The following MMEL1 variants were observed in gnomAD, a reference collection of about 807,000 sequenced individuals.
The protein encoded by MMEL1 is membrane metallo-endopeptidase-like 1.
In MMEL1, 98 loss-of-function variants were observed where a neutral mutation model predicts 117.1. That is an observed-to-expected ratio of 0.84 (90% CI 0.71 to 0.99). The LOEUF is 0.99. Among genes scored for constraint, MMEL1 ranks in the 50% least tolerant of loss-of-function variants. MMEL1 has a pLI of 0.00. For synonymous variants in MMEL1, 390 were observed against 415.1 expected, an observed-to-expected ratio of 0.94 and a Z score of 0.74; for missense variants, 1,014 against 1,049.1, an observed-to-expected ratio of 0.97 and a Z score of 0.46.
At chr1:2,609,574 G>T in intron 5 of MMEL1, 96 bp downstream of exon 5, 1 of 1,540,348 alleles carries the variant, frequency 6.5e-7, no homozygotes, top group Non-Finnish European at 8.8e-7. Context: ...CAAGGAGGAA[G>T]CACAAACAGG....
intron 1 of MMEL1, among the ~76,000 whole-genome samples, chr1:2,630,870 G>A (rs1638536311): frequency 6.7e-6 from 1 of 149,832 alleles, no homozygotes. Flanking sequence ...ACTCTCGTGT[G>A]TGCATGTGTG....
rs200829075 is a variant in MMEL1 at position 2,630,746 on chromosome 1, CAT to C, written c.-37-1227_-37-1226del. ...GATTGTGCACGTGTGCGTGTGCTCT[CAT>C]GTGTGCATGTGCATTATGTGGATAT... is the stretch of plus-strand genomic sequence containing the variant. On this transcript the variant is annotated intron_variant, in intron 1 of 23. Coordinates refer to ENST00000378412, the MANE Select transcript of MMEL1 (RefSeq NM_033467.4). Among the ~76,000 whole-genome samples, 1,095 of 134,796 alleles carry C rather than the reference CAT, an allele frequency of 8.1e-3. 10 individuals carry two copies. The highest frequency in any genetic ancestry group is 0.021 in the African/African-American group (737 of 34,936). The allele number at this position is 134,796 out of a possible 152,430, so 88.4% of individuals were successfully genotyped here.
In MMEL1 at chr1:2,595,325, T is replaced by C. The variant is rs768180432; in HGVS notation, c.1535A>G (p.Asp512Gly). ...MSIREQIGHP[D>G]YILEEMNRRL... ...CCTGTTCATCTCCTCCAGGATGTAGTCAGGGTGCCCGATCTGCTCCCGGAT... is the reference window on the plus strand; with the variant it reads ...CCTGTTCATCTCCTCCAGGATGTAGCCAGGGTGCCCGATCTGCTCCCGGAT... Residue 512 changes from aspartate (D) to glycine (G), a missense_variant, in exon 16 of 24, where the codon GAC becomes GGC. Transcript: ENST00000378412. This position sits in a 1 kb window ranked among gnomAD's most constrained non-coding sequence, Gnocchi z 4.8. The C allele has an allele frequency of 2.5e-6, 4 of 1,613,754 alleles. No homozygotes were observed. The highest frequency in any genetic ancestry group is 3.4e-6 in the Non-Finnish European group (4 of 1,179,980).
Position 2,595,223 on chromosome 1 carries a change from G to T in MMEL1, c.1584+53C>A. On this transcript the variant is annotated intron_variant, in intron 16 of 23. Transcript: ENST00000378412. This position sits in a 1 kb window ranked among gnomAD's most constrained non-coding sequence, Gnocchi z 4.8. Reference sequence around the variant, plus strand: ...GCACAGAGGAGCCCCCAGGCAATCAGGGCCCATGTCCACGGTGTGGGGGGC... The same window carrying T: ...GCACAGAGGAGCCCCCAGGCAATCATGGCCCATGTCCACGGTGTGGGGGGC... The T allele has an allele frequency of 2.0e-6, 3 of 1,520,390 alleles. No homozygotes were observed. The highest frequency in any genetic ancestry group is 4.5e-5 in the East Asian group (2 of 44,384). The allele number at this position is 1,520,390 out of a possible 1,614,324, so 94.2% of individuals were successfully genotyped here.
intron 2 of MMEL1, among the ~76,000 whole-genome samples, chr1:2,622,790 C>T (rs909749547): frequency 6.7e-6 from 1 of 150,098 alleles, no homozygotes; most frequent in African/African-American, 2.5e-5. Flanking sequence ...GAGGCTGAGG[C>T]AGGAGAATCG....
At chr1:2,623,434 C>G (rs1283156859) in intron 2 of MMEL1, among the ~76,000 whole-genome samples, 2 of 152,160 alleles carry the variant, frequency 1.3e-5, no homozygotes, top group African/African-American at 2.4e-5. Flanking sequence ...CTTTTTGGAG[C>G]CCATCCAAGA....
rs1644844776 is a variant in MMEL1, at chr1:2,596,598, T to G, written c.1364A>C (p.Tyr455Ser). 3.7e-6 allele frequency: 6 copies of G among 1,612,700 alleles called. No homozygotes were observed. Among genetic ancestry groups the G allele is most frequent in the Non-Finnish European group, 5.1e-6 (6 of 1,179,814 alleles). The stretch of plus-strand genomic sequence containing the variant: ...GTCTCCAGGGAACGCCTCCCTGACG[T>G]AGAGGGAGCCCACGGCGTTCTCCAT... ...SNMENAVGSL[Y>S]VREAFPGDSK... Residue 455 changes from tyrosine (Y) to serine (S), a missense_variant, in exon 14 of 24, where the codon TAC (tyrosine) becomes TCC (serine). Transcript: ENST00000378412.
chr1:2,616,944 T>G (rs140689843), intron 2 of MMEL1, among the ~76,000 whole-genome samples: 506 of 152,330 alleles, frequency 3.3e-3, no homozygotes, highest in Middle Eastern at 0.02. Context: ...TGCCTGAGGA[T>G]GTAGTGAGCT....
In MMEL1 at chr1:2,610,936, A is replaced by G. The variant is rs74765696; in HGVS notation, c.292+345T>C. On this transcript the variant is annotated intron_variant, in intron 4 of 23. Coordinates refer to ENST00000378412, the MANE Select transcript of MMEL1 (RefSeq NM_033467.4). ...TGCAAATAGCGGTACCTGACCCCCA[A>G]TTTTAAGACAAATGCCTGGGAGAAA... Among the ~76,000 whole-genome samples the G allele has an allele frequency of 1.0e-2, 1,517 of 152,350 alleles. 25 individuals are homozygous for G. Among genetic ancestry groups the G allele is most frequent in the African/African-American group, 0.031 (1,281 of 41,574 alleles).
chr1:2,592,082 C>G, intron 21 of MMEL1, 55 bp from the exon 22 acceptor site: 4 of 1,459,558 alleles, frequency 2.7e-6, no homozygotes, highest in Non-Finnish European at 3.8e-6. Flanking sequence ...ACTCCAGAAC[C>G]CTCAGATCTC....
intron 11 of MMEL1, among the ~76,000 whole-genome samples, chr1:2,600,585 C>T (rs945794514): frequency 1.3e-5 from 2 of 151,882 alleles, no homozygotes; most frequent in East Asian, 1.9e-4. Context: ...TTCCTGTGGT[C>T]GCAGCTACTC....
intron 2 of MMEL1, among the ~76,000 whole-genome samples, chr1:2,615,584 G>A (rs190956231): frequency 1.3e-5 from 2 of 152,342 alleles, no homozygotes; most frequent in African/African-American, 2.4e-5. Flanking sequence ...ACGGGGAAAT[G>A]TGAATTGAGT....
chr1:2,594,377 G>T lies in MMEL1; in HGVS notation c.1747+8C>A. The T allele has an allele frequency of 6.4e-7, 1 of 1,551,824 alleles. No homozygotes were observed. Among genetic ancestry groups the T allele is most frequent in the Non-Finnish European group, 8.7e-7 (1 of 1,146,980 alleles). ...GGCCTGGGCAGGCAGGGAGGGGGAG[G>T]AACTTACCAATCTGGTTTCGGTTTG... On this transcript the variant is annotated splice_region_variant and intron_variant, in intron 18 of 23. Coordinates refer to ENST00000378412, the MANE Select transcript of MMEL1 (RefSeq NM_033467.4).
intron 2 of MMEL1, among the ~76,000 whole-genome samples, chr1:2,619,786 A>T (rs960266196): frequency 6.6e-6 from 1 of 152,356 alleles, no homozygotes; most frequent in South Asian, 2.1e-4. Context: ...AAACAACTAC[A>T]AACCCAAAAG....
In MMEL1 at chr1:2,595,952, G is replaced by A. The variant is rs901172237; in HGVS notation, c.1500+57C>T. The A allele has an allele frequency of 4.8e-6, 7 of 1,461,278 alleles. No homozygotes were observed. The highest frequency in any genetic ancestry group is 1.7e-5 in the Admixed American group (1 of 58,872). 90.5% of individuals were successfully genotyped at this position (1,461,278 alleles called of 1,614,324 possible). On this transcript the variant is annotated intron_variant, in intron 15 of 23. Coordinates refer to ENST00000378412, the MANE Select transcript of MMEL1 (RefSeq NM_033467.4). This position sits in a 1 kb window ranked among gnomAD's most constrained non-coding sequence, Gnocchi z 4.8. Reference sequence around the variant, plus strand: ...GACCGTCAGGAGGCTTTGTCGGGGCGGTGCTGCCCGTGCCCAGATCCAGTC... The same window carrying A: ...GACCGTCAGGAGGCTTTGTCGGGGCAGTGCTGCCCGTGCCCAGATCCAGTC...
intron 2 of MMEL1, among the ~76,000 whole-genome samples, chr1:2,625,348 C>G (rs1025787414): frequency 6.6e-6 from 1 of 152,210 alleles, no homozygotes; most frequent in Non-Finnish European, 1.5e-5. Flanking sequence ...GCCCATTTAT[C>G]AAGTGATCCA....
intron 6 of MMEL1, among the ~76,000 whole-genome samples, chr1:2,608,803 TATACAC>T (rs1481971242): frequency 6.7e-4 from 102 of 152,128 alleles, no homozygotes; most frequent in African/African-American, 2.1e-3. Flanking sequence ...TGCATATACA[TATACAC>T]ATATACATAA....
chr1:2,594,701 C>A, intron 17 of MMEL1, 89 bp downstream of exon 17: 1 of 1,180,188 alleles, frequency 8.5e-7, no homozygotes. Context: ...AGCCACGCAT[C>A]CAGTCCCCCG....
In MMEL1 at chr1:2,596,676, G is replaced by T. The variant is rs1644846965; in HGVS notation, c.1286C>A (p.Thr429Lys). Residue 429 changes from threonine to lysine, a missense_variant, in exon 14 of 24, where the codon ACA becomes AAA. Physicochemically the swap from Thr to Lys is moderately conservative, Grantham distance 78. Coordinates refer to ENST00000378412, the MANE Select transcript of MMEL1 (RefSeq NM_033467.4). ...RVNYRKALFG[T>K]MVEEVRWREC... ...ACGCCAGCGCACCTCCTCCACCATTGTGCCAAACAGCGCCTGGTGGGGCCA... is the reference window on the plus strand; with the variant it reads ...ACGCCAGCGCACCTCCTCCACCATTTTGCCAAACAGCGCCTGGTGGGGCCA... The T allele has an allele frequency of 6.2e-7, 1 of 1,612,784 alleles. No homozygotes were observed. The highest frequency in any genetic ancestry group is 8.5e-7 in the Non-Finnish European group (1 of 1,179,812).
Sources: gnomAD v4.1 joint callset for allele counts (sites outside exome capture counted in the v4.1 genomes callset) on GRCh38, gnomAD v4.1.1 for gene constraint, Gnocchi (gnomAD v3.1) non-coding constraint, MANE v1.5 for transcripts, NCBI Gene and HGNC (gene_info 2026-07-23, HGNC 2026-07-21) for gene names.